ADAM23: variants seen among roughly 807,000 people sequenced by gnomAD.
The protein encoded by ADAM23 is disintegrin and metalloproteinase domain-containing protein 23.
A neutral mutation model predicts 120.1 loss-of-function variants in ADAM23; 33 were observed. That is an observed-to-expected ratio of 0.27 (90% CI 0.21 to 0.37). ADAM23 has a LOEUF of 0.37. ADAM23 is among the 10% of genes least tolerant of loss of function. ADAM23 has a pLI of 1.00. For synonymous variants in ADAM23, 367 were observed against 375.2 expected, an observed-to-expected ratio of 0.98 and a Z score of 0.25; for missense variants, 862 against 1,058.2, an observed-to-expected ratio of 0.81 and a Z score of 2.57.
intron 25 of ADAM23, among the ~76,000 whole-genome samples, chr2:206,616,961 C>T (rs1006956923): frequency 6.6e-6 from 1 of 152,174 alleles, no homozygotes; most frequent in Admixed American, 6.5e-5. Context: ...ATTTGCTTAA[C>T]TAACCTGAAC....
chr2:206,567,202 G>A, intron 14 of ADAM23, 21 bp from the exon 15 acceptor site: 1 of 1,557,006 alleles, frequency 6.4e-7, no homozygotes, highest in Non-Finnish European at 8.8e-7. Context: ...TATTTACATA[G>A]TTGATTCTTT....
chr2:206,445,066 A>C (rs1425728111), intron 1 of ADAM23, among the ~76,000 whole-genome samples: 1 of 151,782 alleles, frequency 6.6e-6, no homozygotes, highest in Non-Finnish European at 1.5e-5. Context: ...GACATAAATC[A>C]AAATAAATAG....
intron 2 of ADAM23, among the ~76,000 whole-genome samples, chr2:206,473,407 T>C (rs1559223033): frequency 6.6e-6 from 1 of 151,950 alleles, no homozygotes; most frequent in Non-Finnish European, 1.5e-5. Context: ...ATTTGGTAAT[T>C]AATCATGCTT....
chr2:206,530,691 T>G (rs545572885), intron 3 of ADAM23, among the ~76,000 whole-genome samples, 194 bp from the exon 4 acceptor site: 4 of 144,086 alleles, frequency 2.8e-5, no homozygotes, highest in African/African-American at 1.0e-4. Flanking sequence ...TTTTTTTTTT[T>G]CTGCAGATTG....
chr2:206,573,255 C>T (rs1053502389), intron 18 of ADAM23, 60 bp downstream of exon 18: 2 of 1,496,480 alleles, frequency 1.3e-6, no homozygotes, highest in African/African-American at 2.8e-5. Context: ...TATTCCTTAC[C>T]ACAGTGCTTG....
intron 2 of ADAM23, among the ~76,000 whole-genome samples, chr2:206,446,409 G>A (rs1695083156): frequency 6.6e-6 from 1 of 152,130 alleles, no homozygotes; most frequent in Admixed American, 6.6e-5. Flanking sequence ...ATTTTGATCT[G>A]TACTTGTTCA....
chr2:206,450,929 T>C (rs1177513936), intron 2 of ADAM23, among the ~76,000 whole-genome samples: 1 of 152,212 alleles, frequency 6.6e-6, no homozygotes, highest in African/African-American at 2.4e-5. Flanking sequence ...CTACCTTTGC[T>C]CACTGGTGGA....
intron 2 of ADAM23, among the ~76,000 whole-genome samples, chr2:206,471,796 A>G (rs1695664913): frequency 6.6e-6 from 1 of 152,156 alleles, no homozygotes. Context: ...TTAATGCACC[A>G]CATTAAATGT....
chr2:206,520,518 A>T (rs1443181575), intron 3 of ADAM23, among the ~76,000 whole-genome samples: 2 of 152,202 alleles, frequency 1.3e-5, no homozygotes, highest in African/African-American at 4.8e-5. Context: ...TCATTTCTTT[A>T]ATTCTCTTCT....
intron 3 of ADAM23, among the ~76,000 whole-genome samples, chr2:206,493,497 C>A (rs1696174419): frequency 6.6e-6 from 1 of 152,200 alleles, no homozygotes; most frequent in Non-Finnish European, 1.5e-5. Context: ...CTCAGCCTCC[C>A]AGGTAGCTGG....
intron 2 of ADAM23, among the ~76,000 whole-genome samples, chr2:206,448,472 G>T (rs1183518669): frequency 6.7e-6 from 1 of 149,250 alleles, no homozygotes; most frequent in Non-Finnish European, 1.5e-5. Context: ...ACACAGCTTC[G>T]AAGACCGTTG....
At chr2:206,471,310 C>T (rs925223437) in intron 2 of ADAM23, among the ~76,000 whole-genome samples, 2 of 152,116 alleles carry the variant, frequency 1.3e-5, no homozygotes, top group African/African-American at 2.4e-5. Flanking sequence ...TCATTCTTAA[C>T]GAATCCTTGT....
intron 3 of ADAM23, among the ~76,000 whole-genome samples, chr2:206,514,848 A>G (rs1253381660): frequency 6.6e-6 from 1 of 152,228 alleles, no homozygotes; most frequent in Non-Finnish European, 1.5e-5. Flanking sequence ...AAATGATTAC[A>G]ACTTGCTGAA....
intron 9 of ADAM23, among the ~76,000 whole-genome samples, chr2:206,551,708 A>G (rs1007949449): frequency 1.3e-5 from 2 of 152,208 alleles, no homozygotes; most frequent in African/African-American, 2.4e-5. Flanking sequence ...AGAAATTTAA[A>G]AAAATAGTGA....
At chr2:206,599,758 A>G (rs1269635945) in intron 24 of ADAM23, among the ~76,000 whole-genome samples, 2 of 152,256 alleles carry the variant, frequency 1.3e-5, no homozygotes, top group East Asian at 1.9e-4. Context: ...GAGATGGTGC[A>G]TGCTAGTGCC....
chr2:206,454,512 T>G (rs1349704161), intron 2 of ADAM23, among the ~76,000 whole-genome samples: 1 of 152,200 alleles, frequency 6.6e-6, no homozygotes, highest in East Asian at 1.9e-4. Flanking sequence ...TCTTCTCACA[T>G]TTCAAAACCA....
chr2:206,443,756 C>T lies in ADAM23; in HGVS notation c.-111C>T. 1 of 491,716 alleles carries T rather than the reference C, an allele frequency of 2.0e-6. No individual in the cohort carries two copies. Among genetic ancestry groups the T allele is most frequent in the Non-Finnish European group, 2.6e-6 (1 of 379,740 alleles). 30.5% of individuals were successfully genotyped at this position (491,716 alleles called of 1,614,324 possible). A position where few individuals can be genotyped will look rare whatever the true frequency, so the allele number is the denominator to read the frequency against. ...CCCCGAGCCCGGAGCCCCCTGCCCGCCGCGGCACCATGCGCGCCGAGCCGG... is the reference window on the plus strand; with the variant it reads ...CCCCGAGCCCGGAGCCCCCTGCCCGTCGCGGCACCATGCGCGCCGAGCCGG... On this transcript the variant is annotated 5_prime_UTR_variant, in exon 1 of 26. Transcript: ENST00000264377.
intron 10 of ADAM23, among the ~76,000 whole-genome samples, chr2:206,558,907 G>A (rs945420631): frequency 6.6e-6 from 1 of 151,234 alleles, no homozygotes; most frequent in Non-Finnish European, 1.5e-5. Context: ...TGTGTTCAAA[G>A]ATCATCCATT....
chr2:206,614,155 G>C (rs1041336999), intron 25 of ADAM23, among the ~76,000 whole-genome samples: 6 of 152,174 alleles, frequency 3.9e-5, no homozygotes, highest in African/African-American at 1.2e-4. Context: ...TACATTAAAA[G>C]TGTTAATTTA....
Sources: allele counts gnomAD v4.1 joint callset (sites outside exome capture counted in the v4.1 genomes callset), GRCh38; gene constraint gnomAD v4.1.1; transcripts MANE v1.5; gene names NCBI Gene and HGNC (gene_info 2026-07-23, HGNC 2026-07-21).